RILPL1: variants seen among roughly 807,000 people sequenced by gnomAD.
RILPL1 encodes Rab interacting lysosomal protein like 1, also known as RILP-like protein 1.
A neutral mutation model predicts 50.3 loss-of-function variants in RILPL1; 33 were observed. That is an observed-to-expected ratio of 0.66 (90% CI 0.50 to 0.88). RILPL1 has a LOEUF of 0.88. Ranked by LOEUF, RILPL1 falls within the 40% of genes least tolerant of loss-of-function variation. The pLI is 0.00. For missense variants in RILPL1, 418 were observed against 542.5 expected (o/e 0.77, Z 2.28); for synonymous variants, 205 against 228.6 (o/e 0.90, Z 0.93).
chr12:123,509,281 C>T (rs866320492), intron 2 of RILPL1, among the ~76,000 whole-genome samples: 4 of 152,108 alleles, frequency 2.6e-5, no homozygotes, highest in Non-Finnish European at 4.4e-5. Flanking sequence ...GGAAGGAAAT[C>T]GGCTGGGCAT....
chr12:123,513,477 G>A lies in RILPL1; in HGVS notation c.460+10018C>T, dbSNP rs142257403. 4.4e-4 allele frequency: 108 copies of A among 246,334 alleles called. 1 individual carries two copies. Among genetic ancestry groups the A allele is most frequent in the African/African-American group, 2.3e-3 (102 of 43,826 alleles). 15.3% of individuals were successfully genotyped at this position (246,334 alleles called of 1,614,324 possible). On this transcript the variant is annotated intron_variant, in intron 2 of 6. Coordinates refer to ENST00000376874, the MANE Select transcript of RILPL1 (RefSeq NM_178314.5). ...CAGCAGCCTCATCACCTTCCTGGGC[G>A]GCAGCCGTAGGAGCTATGAGACCGA...
At chr12:123,529,944 A>T (rs1331258937) in intron 1 of RILPL1, among the ~76,000 whole-genome samples, 1 of 151,904 alleles carries the variant, frequency 6.6e-6, no homozygotes, top group African/African-American at 2.4e-5. Flanking sequence ...CATCCCATGG[A>T]AAGTCAGTAG....
At chr12:123,506,037 C>T (rs1002081759) in intron 2 of RILPL1, among the ~76,000 whole-genome samples, 16 of 152,240 alleles carry the variant, frequency 1.1e-4, no homozygotes, top group Non-Finnish European at 1.9e-4. Context: ...AGATGTCAGA[C>T]AGGCACGTGC....
intron 2 of RILPL1, among the ~76,000 whole-genome samples, chr12:123,515,846 C>G (rs1884659329): frequency 6.6e-6 from 1 of 151,150 alleles, no homozygotes; most frequent in African/African-American, 2.4e-5. Context: ...ACCAGCCTGA[C>G]CAACATGGAG....
At chr12:123,500,433 T>C (rs1174748031) in intron 2 of RILPL1, among the ~76,000 whole-genome samples, 1 of 151,784 alleles carries the variant, frequency 6.6e-6, no homozygotes, top group Non-Finnish European at 1.5e-5. Flanking sequence ...AACAGACATG[T>C]GCTACCTCGC....
intron 2 of RILPL1, among the ~76,000 whole-genome samples, chr12:123,507,759 T>C (rs974115759): frequency 1.3e-5 from 2 of 151,098 alleles, no homozygotes; most frequent in Admixed American, 6.6e-5. Flanking sequence ...CTGACCAACA[T>C]GGAGAAACCC....
chr12:123,528,723 A>G (rs1885349130), intron 1 of RILPL1, among the ~76,000 whole-genome samples: 1 of 151,992 alleles, frequency 6.6e-6, no homozygotes, highest in South Asian at 2.1e-4. Context: ...ACCGCGCCCG[A>G]CCAGTTTGTG....
At chr12:123,519,056 C>CAAAAAA (rs71652717) in intron 2 of RILPL1, among the ~76,000 whole-genome samples, 319 of 56,564 alleles carry the variant, frequency 5.6e-3, no homozygotes, top group East Asian at 0.048. Context: ...GACTCCATCT[C>CAAAAAA]AAAAAAAAAA....
intron 2 of RILPL1, among the ~76,000 whole-genome samples, chr12:123,511,701 G>A (rs1374628124): frequency 7.2e-6 from 1 of 138,008 alleles, no homozygotes; most frequent in African/African-American, 2.8e-5. Flanking sequence ...TGTGTGTGGT[G>A]TGAGATCTGT....
intron 2 of RILPL1, among the ~76,000 whole-genome samples, chr12:123,508,946 G>GCC (rs1883923656): frequency 6.6e-6 from 1 of 152,098 alleles, no homozygotes; most frequent in African/African-American, 2.4e-5. Flanking sequence ...AGCACTTTGG[G>GCC]AAGCTGAGGA....
At chr12:123,482,900 GC>G (rs1190807169) in intron 6 of RILPL1, among the ~76,000 whole-genome samples, 2 of 152,138 alleles carry the variant, frequency 1.3e-5, no homozygotes, top group African/African-American at 4.8e-5. Context: ...ACCGCACCCA[GC>G]CCCAAGGGCA....
chr12:123,484,597 C>T (rs1488799994), intron 5 of RILPL1, among the ~76,000 whole-genome samples: 1 of 151,942 alleles, frequency 6.6e-6, no homozygotes, highest in Non-Finnish European at 1.5e-5. Context: ...GGAGGCCTTC[C>T]GATTTCCACC....
chr12:123,494,386 G>A (rs941639851), intron 4 of RILPL1, among the ~76,000 whole-genome samples: 2 of 152,180 alleles, frequency 1.3e-5, no homozygotes, highest in Admixed American at 1.3e-4. Context: ...AGCCTGGAGG[G>A]TTCACATTAC....
chr12:123,490,856 T>C (rs991281097), intron 4 of RILPL1, among the ~76,000 whole-genome samples: 1 of 152,094 alleles, frequency 6.6e-6, no homozygotes, highest in East Asian at 1.9e-4. Flanking sequence ...GTTCAAGTGA[T>C]TCTCCTGCCT....
Position 123,533,611 on chromosome 12 carries a change from G to T in RILPL1, c.-129C>A. 1 of 576,172 alleles carries T rather than the reference G, an allele frequency of 1.7e-6. No individual in the cohort carries two copies. The highest frequency in any genetic ancestry group is 2.2e-6 in the Non-Finnish European group (1 of 452,934). The allele number at this position is 576,172 out of a possible 1,614,324, so 35.7% of individuals were successfully genotyped here. A position where few individuals can be genotyped will look rare whatever the true frequency, so the allele number is the denominator to read the frequency against. ...GCGCGCTCAGCGGGCGCTGGGGCGA[G>T]GGCGCAGCGGGCAGCGGGCGGCGGG... On this transcript the variant is annotated 5_prime_UTR_variant, in exon 1 of 7. Coordinates refer to ENST00000376874, the MANE Select transcript of RILPL1 (RefSeq NM_178314.5). The surrounding 1 kb of genome is among the most constrained non-coding windows in gnomAD (Gnocchi z 6.2).
chr12:123,514,288 C>T (rs1056351629), intron 2 of RILPL1: 3 of 152,188 alleles, frequency 2.0e-5, no homozygotes, highest in Non-Finnish European at 2.9e-5. Context: ...AGATTAGAGG[C>T]TGCCAGTGGT....
chr12:123,501,866 G>A (rs1331923172), intron 2 of RILPL1, among the ~76,000 whole-genome samples: 18 of 150,550 alleles, frequency 1.2e-4, no homozygotes, highest in Admixed American at 3.3e-4. Context: ...CACCTAGGTC[G>A]GGAGCTCGAG....
chr12:123,512,852 TTGTG>T (rs759821033), intron 2 of RILPL1, among the ~76,000 whole-genome samples: 14 of 107,650 alleles, frequency 1.3e-4, no homozygotes, highest in Non-Finnish European at 1.9e-4. Context: ...TGTGTGAGGT[TTGTG>T]TGTGTGTGGT....
rs1276155742 is a variant in RILPL1 at position 123,491,689 on chromosome 12, C to T, written c.802-5884G>A. 2.6e-5 allele frequency among the ~76,000 whole-genome samples: 4 copies of T among 152,170 alleles called. No homozygotes were observed. Among genetic ancestry groups the T allele is most frequent in the African/African-American group, 9.7e-5 (4 of 41,446 alleles). On this transcript the variant is annotated intron_variant, in intron 4 of 6. Coordinates refer to ENST00000376874, the MANE Select transcript of RILPL1 (RefSeq NM_178314.5). The surrounding 1 kb of genome is among the most constrained non-coding windows in gnomAD (Gnocchi z 4.0). The stretch of plus-strand genomic sequence containing the variant: ...CCCTATGCAGGCAGCCCGCACTTTA[C>T]AAAACAAAAACAAAACCTGCTACGA...
Sources: allele counts gnomAD v4.1 joint callset (sites outside exome capture counted in the v4.1 genomes callset), GRCh38; gene constraint gnomAD v4.1.1; non-coding constraint Gnocchi (gnomAD v3.1); transcripts MANE v1.5; gene names NCBI Gene and HGNC (gene_info 2026-07-23, HGNC 2026-07-21).